RMST: variants seen among roughly 807,000 people sequenced by gnomAD.
RMST encodes the protein long intergenic non-protein coding RNA 54.
At chr12:97,497,131 C>T (rs1325129657) in intron 10 of RMST, among the ~76,000 whole-genome samples, 2 of 152,088 alleles carry the variant, frequency 1.3e-5, no homozygotes, top group African/African-American at 2.4e-5. Flanking sequence ...TATGACCATC[C>T]TCTAGATATT....
intron 9 of RMST, chr12:97,494,931 A>G (rs934322916): frequency 2.6e-5 from 4 of 152,166 alleles, no homozygotes; most frequent in African/African-American, 9.7e-5. Context: ...GATTTTACTT[A>G]TGACTATCCT....
chr12:97,510,856 C>A (rs1451235485), intron 10 of RMST, among the ~76,000 whole-genome samples: 1 of 151,920 alleles, frequency 6.6e-6, no homozygotes, highest in Non-Finnish European at 1.5e-5. Context: ...ATTTTCCAGT[C>A]ACTTTTTTTT....
chr12:97,483,775 A>ATT (rs1192128158), intron 5 of RMST, among the ~76,000 whole-genome samples: 1 of 152,042 alleles, frequency 6.6e-6, no homozygotes, highest in African/African-American at 2.4e-5. Flanking sequence ...GATTCTTGTC[A>ATT]TTTCACACTT....
chr12:97,538,500 G>A (rs528321210), intron 11 of RMST, among the ~76,000 whole-genome samples: 1 of 151,402 alleles, frequency 6.6e-6, no homozygotes, highest in African/African-American at 2.4e-5. Context: ...ATCAGGTAGT[G>A]AAGAAATAAT....
At chr12:97,524,393 T>C (rs897474735) in intron 10 of RMST, among the ~76,000 whole-genome samples, 1 of 152,168 alleles carries the variant, frequency 6.6e-6, no homozygotes, top group African/African-American at 2.4e-5. Flanking sequence ...GTTCACTTCA[T>C]GGATAACATT....
intron 11 of RMST, among the ~76,000 whole-genome samples, chr12:97,542,701 A>G (rs973826366): frequency 1.3e-5 from 2 of 151,942 alleles, no homozygotes; most frequent in African/African-American, 4.8e-5. Context: ...ACACGGCCCT[A>G]ATTGACATGG....
At chr12:97,526,038 T>C (rs913663030) in intron 10 of RMST, among the ~76,000 whole-genome samples, 2 of 151,978 alleles carry the variant, frequency 1.3e-5, no homozygotes, top group African/African-American at 4.8e-5. Flanking sequence ...GATGGGTCCA[T>C]CTAGTTGCAG....
At chr12:97,517,279 T>C (rs189637075) in intron 10 of RMST, among the ~76,000 whole-genome samples, 3 of 152,106 alleles carry the variant, frequency 2.0e-5, no homozygotes, top group Admixed American at 2.0e-4. Context: ...CAAGTGGCAC[T>C]ATTTTCCCAA....
chr12:97,480,264 G>T (rs1368687927), intron 5 of RMST, among the ~76,000 whole-genome samples: 2 of 151,594 alleles, frequency 1.3e-5, no homozygotes, highest in Non-Finnish European at 2.9e-5. Flanking sequence ...TAATTTTTTT[G>T]TATTTTTAGT....
chr12:97,492,431 T>C (rs1332288506), intron 5 of RMST: 1 of 158,812 alleles, frequency 6.3e-6, no homozygotes, highest in Non-Finnish European at 1.4e-5. Flanking sequence ...CTTGTTGTTT[T>C]TTTTTTAACG....
At chr12:97,521,647 G>A (rs1345590980) in intron 10 of RMST, among the ~76,000 whole-genome samples, 1 of 152,034 alleles carries the variant, frequency 6.6e-6, no homozygotes, top group Non-Finnish European at 1.5e-5. Context: ...TCCTGAACTG[G>A]GGAGATTTTC....
chr12:97,472,546 C>T (rs1357892897), intron 5 of RMST, among the ~76,000 whole-genome samples: 1 of 152,232 alleles, frequency 6.6e-6, no homozygotes, highest in Admixed American at 6.6e-5. Context: ...TGACAATTAA[C>T]TCAGTTACTT....
chr12:97,545,448 G>A (rs1882860827), intron 11 of RMST, among the ~76,000 whole-genome samples: 1 of 152,016 alleles, frequency 6.6e-6, no homozygotes, highest in Non-Finnish European at 1.5e-5. Flanking sequence ...TATTAATGCT[G>A]TGGATAATTT....
chr12:97,540,931 T>G (rs1411795734), intron 11 of RMST, among the ~76,000 whole-genome samples: 56 of 139,750 alleles, frequency 4.0e-4, no homozygotes, highest in Non-Finnish European at 5.4e-4. Context: ...GATAAATAGA[T>G]AGAGAGATAG....
chr12:97,475,969 C>A lies in RMST; in HGVS notation n.644+10242C>A, dbSNP rs866289154. ...CATACTGACGTTGTTTGAGAGTGTG[C>A]TTTTAAGTGGCTGTGGAGGACTATA... On this transcript the variant is annotated intron_variant and non_coding_transcript_variant, in intron 5 of 13. Transcript: ENST00000640149. Among the ~76,000 whole-genome samples, 4 of 152,142 alleles carry A rather than the reference C, an allele frequency of 2.6e-5. No homozygotes were observed. In the South Asian group the frequency reaches 8.3e-4, roughly 32 times the overall value.
intron 10 of RMST, among the ~76,000 whole-genome samples, chr12:97,506,521 G>T (rs1391464309): frequency 6.6e-6 from 1 of 152,042 alleles, no homozygotes; most frequent in East Asian, 1.9e-4. Flanking sequence ...TCGTCAAGTT[G>T]GGATGAGAGG....
intron 5 of RMST, among the ~76,000 whole-genome samples, chr12:97,470,080 C>T (rs1243936065): frequency 6.6e-6 from 1 of 152,096 alleles, no homozygotes; most frequent in Non-Finnish European, 1.5e-5. Context: ...TTTGCCACTG[C>T]CTTCTCAAAG....
intron 10 of RMST, among the ~76,000 whole-genome samples, chr12:97,518,924 C>T (rs572074591): frequency 6.6e-6 from 1 of 151,540 alleles, no homozygotes; most frequent in South Asian, 2.1e-4. Context: ...CACCTGCCAC[C>T]ATGTTCAGCT....
At chr12:97,551,835 C>T (rs913256461) in intron 11 of RMST, 3 of 152,090 alleles carry the variant, frequency 2.0e-5, no homozygotes, top group African/African-American at 4.8e-5. Context: ...CACATAGGAA[C>T]GACTATGCTC....
Sources: allele counts gnomAD v4.1 joint callset (sites outside exome capture counted in the v4.1 genomes callset), GRCh38; gene constraint gnomAD v4.1.1; transcripts MANE v1.5; gene names NCBI Gene and HGNC (gene_info 2026-07-23, HGNC 2026-07-21).